MTIF3: variants seen among roughly 807,000 people sequenced by gnomAD.
MTIF3 encodes mitochondrial translational initiation factor 3.
Under a neutral mutation model 20.7 loss-of-function variants are expected in MTIF3, and 13 were observed. The ratio of observed to expected loss-of-function variants is 0.63; its 90% CI spans 0.41 to 1.00. The LOEUF is 1.00. Among genes scored for constraint, MTIF3 ranks in the 50% least tolerant of loss-of-function variants. The probability of loss-of-function intolerance (pLI) is 0.00; values close to 1 mark genes in which losing one functional copy is unlikely to be tolerated. For synonymous variants in MTIF3, 114 were observed against 112.5 expected (o/e 1.01, Z -0.08); for missense variants, 295 against 324.5 (o/e 0.91, Z 0.70).
intron 4 of MTIF3, among the ~76,000 whole-genome samples, chr13:27,436,912 T>A (rs931649452): frequency 1.3e-5 from 2 of 152,108 alleles, no homozygotes; most frequent in Admixed American, 6.5e-5. Flanking sequence ...CCACCACGCC[T>A]GGCTAATTTT....
intron 1 of MTIF3, among the ~76,000 whole-genome samples, chr13:27,446,249 G>A (rs571618560): frequency 2.0e-5 from 3 of 152,162 alleles, no homozygotes; most frequent in East Asian, 1.9e-4. Context: ...GTAGAGATGG[G>A]GTTTTACCAT....
chr13:27,448,900 G>T (rs1954263514), intron 1 of MTIF3, among the ~76,000 whole-genome samples: 1 of 152,078 alleles, frequency 6.6e-6, no homozygotes, highest in Non-Finnish European at 1.5e-5. Context: ...AACTAGCCGG[G>T]CCTGGTGGCG....
intron 1 of MTIF3, among the ~76,000 whole-genome samples, chr13:27,448,290 T>C (rs1298350412): frequency 6.6e-6 from 1 of 152,244 alleles, no homozygotes; most frequent in Non-Finnish European, 1.5e-5. Context: ...CTGTTATCTG[T>C]TCTTTCCTGG....
rs147140748 is a variant in MTIF3 at position 27,439,629 on chromosome 13, C to G, written c.460+360G>C. On this transcript the variant is annotated intron_variant, in intron 3 of 4. Coordinates refer to ENST00000381120, the MANE Select transcript of MTIF3 (RefSeq NM_152912.5). The stretch of plus-strand genomic sequence containing the variant: ...GGCAGGGAACTTGAATGTACCCCTC[C>G]TAATCTCACTCTGTTTCACCCCATC... 4.3e-3 allele frequency among the ~76,000 whole-genome samples: 656 copies of G among 152,308 alleles called. 4 individuals carry two copies. The highest frequency in any genetic ancestry group is 0.015 in the African/African-American group (615 of 41,562).
chr13:27,446,847 G>A (rs1954195774), intron 1 of MTIF3, among the ~76,000 whole-genome samples: 1 of 152,054 alleles, frequency 6.6e-6, no homozygotes, highest in Admixed American at 6.6e-5. Context: ...GGGGCGGATG[G>A]GAAGGAGGCT....
At chr13:27,440,912 A>C (rs921557066) in intron 2 of MTIF3, 1 of 170,712 alleles carries the variant, frequency 5.9e-6, no homozygotes, top group East Asian at 1.6e-4. Flanking sequence ...TGATTAACAC[A>C]TATTTTGTAT....
intron 2 of MTIF3, among the ~76,000 whole-genome samples, chr13:27,442,988 T>A (rs73438734): frequency 3.2e-4 from 48 of 152,324 alleles, no homozygotes; most frequent in African/African-American, 9.1e-4. Flanking sequence ...AGCATGCACA[T>A]GTCGAATGAA....
intron 3 of MTIF3, among the ~76,000 whole-genome samples, chr13:27,439,070 C>G (rs1267206264): frequency 6.6e-6 from 1 of 152,230 alleles, no homozygotes; most frequent in South Asian, 2.1e-4. Flanking sequence ...ATATCCAATT[C>G]CTGACTTCTG....
chr13:27,443,270 C>G (rs568045996), intron 2 of MTIF3, among the ~76,000 whole-genome samples: 2 of 152,340 alleles, frequency 1.3e-5, no homozygotes, highest in Admixed American at 1.3e-4. Flanking sequence ...TTTTAAATCA[C>G]TGACATACTG....
chr13:27,447,487 A>G (rs1954219458), intron 1 of MTIF3, among the ~76,000 whole-genome samples: 1 of 152,228 alleles, frequency 6.6e-6, no homozygotes, highest in Non-Finnish European at 1.5e-5. Flanking sequence ...TCTCCGAGAC[A>G]GCCACAATAT....
At position 27,440,404 on chromosome 13, in the gene MTIF3, C is replaced by CT; in HGVS notation, c.44dup (p.Ser16ValfsTer2). On this transcript the variant is annotated frameshift_variant, in exon 3 of 5. Coordinates refer to ENST00000381120, the MANE Select transcript of MTIF3 (RefSeq NM_152912.5). LOFTEE classifies it high-confidence loss of function. ...AACATCTAATGCAACTATTTTCAGA[C>CT]TTTACAGTTTGTAGTGTTAACCTCT... 6.2e-7 allele frequency: 1 copy of CT among 1,613,874 alleles called. No individual in the cohort carries two copies. Among genetic ancestry groups the CT allele is most frequent in the Non-Finnish European group, 8.5e-7 (1 of 1,179,886 alleles).
chr13:27,448,139 G>C (rs1287939420), intron 1 of MTIF3, among the ~76,000 whole-genome samples: 2 of 139,040 alleles, frequency 1.4e-5, no homozygotes, highest in East Asian at 2.5e-4. Flanking sequence ...GTAGATATGA[G>C]GGGTGGGTGG....
intron 2 of MTIF3, chr13:27,441,344 A>G (rs905456342): frequency 1.3e-5 from 2 of 152,232 alleles, no homozygotes; most frequent in Non-Finnish European, 2.9e-5. Context: ...CAATTTTTCA[A>G]TACATCTGAT....
At chr13:27,440,797 A>C (rs983193730) in intron 2 of MTIF3, among the ~76,000 whole-genome samples, 7 of 151,914 alleles carry the variant, frequency 4.6e-5, no homozygotes, top group Middle Eastern at 3.2e-3. Context: ...GGAGTTAGGG[A>C]AACAGACCCC....
intron 4 of MTIF3, 35 bp from the exon 5 acceptor site, chr13:27,435,928 A>G: frequency 6.5e-7 from 1 of 1,550,208 alleles, no homozygotes; most frequent in South Asian, 1.1e-5. Flanking sequence ...TTAATTTAAA[A>G]TCAGAGGCTT....
Position 27,440,031 on chromosome 13 carries a change from G to GCTC in MTIF3, c.415_417dup (p.Glu139dup). Reference sequence around the variant, plus strand: ...TTCTCCATCTCCCTCAGCCTCTGCCGCTCCTGGAGGATCTGCAATCCTGTC... The same window carrying GCTC: ...TTCTCCATCTCCCTCAGCCTCTGCCGCTCCTCCTGGAGGATCTGCAATCCTGTC... On this transcript the variant is annotated inframe_insertion, in exon 3 of 5. Transcript: ENST00000381120. The GCTC allele has an allele frequency of 6.2e-7, 1 of 1,614,104 alleles. No individual in the cohort carries two copies. The highest frequency in any genetic ancestry group is 8.5e-7 in the Non-Finnish European group (1 of 1,179,998).
intron 1 of MTIF3, among the ~76,000 whole-genome samples, chr13:27,445,532 G>C (rs886991650): frequency 1.3e-5 from 2 of 151,976 alleles, no homozygotes; most frequent in Non-Finnish European, 2.9e-5. Flanking sequence ...ACTGATTCAG[G>C]CAGGATGCAA....
chr13:27,448,812 G>C (rs1344459729), intron 1 of MTIF3, among the ~76,000 whole-genome samples: 1 of 152,136 alleles, frequency 6.6e-6, no homozygotes, highest in Non-Finnish European at 1.5e-5. Context: ...GCTGAGGAAG[G>C]CAGATCACTT....
At chr13:27,439,127 T>C (rs1953898148) in intron 3 of MTIF3, among the ~76,000 whole-genome samples, 1 of 152,248 alleles carries the variant, frequency 6.6e-6, no homozygotes, top group Non-Finnish European at 1.5e-5. Flanking sequence ...GTTGTATATC[T>C]AAGAGTGTTG....
Sources: gnomAD v4.1 joint callset for allele counts (sites outside exome capture counted in the v4.1 genomes callset) on GRCh38, gnomAD v4.1.1 for gene constraint, MANE v1.5 for transcripts, NCBI Gene and HGNC (gene_info 2026-07-23, HGNC 2026-07-21) for gene names.